The following SNRNP70 variants were observed in gnomAD, a reference collection of about 807,000 sequenced individuals.
SNRNP70 encodes the protein U1 small nuclear ribonucleoprotein 70 kDa.
In SNRNP70, 8 loss-of-function variants were observed where a neutral mutation model predicts 50.5. The observed-to-expected ratio is 0.16, with a 90% CI of 0.09 to 0.29. The LOEUF (loss-of-function observed/expected upper bound fraction) is 0.29, where lower values mean the gene tolerates loss of function less well. SNRNP70 is among the 10% of genes least tolerant of loss of function. The pLI is 1.00. For missense variants in SNRNP70, 529 were observed against 663.5 expected, an observed-to-expected ratio of 0.80 and a Z score of 2.23; for synonymous variants, 320 against 252.9, an observed-to-expected ratio of 1.27 and a Z score of -2.52.
intron 4 of SNRNP70, among the ~76,000 whole-genome samples, chr19:49,098,159 C>T (rs2040536386): frequency 3.9e-5 from 6 of 152,212 alleles, no homozygotes; most frequent in Admixed American, 3.9e-4. Context: ...TGGGCCTGCC[C>T]ACATCCTGTC....
At chr19:49,086,274 C>G in intron 1 of SNRNP70, 131 bp from the exon 2 acceptor site, 1 of 1,044,706 alleles carries the variant, frequency 9.6e-7, no homozygotes, top group Non-Finnish European at 1.4e-6. Flanking sequence ...GGACTGTTCT[C>G]TGCCCTTACA....
chr19:49,090,268 G>A lies in SNRNP70; in HGVS notation c.148-23G>A, dbSNP rs1267032898. 1.9e-6 allele frequency: 3 copies of A among 1,611,172 alleles called. No individual in the cohort carries two copies. In the African/African-American group the frequency reaches 4.0e-5, roughly 22 times the overall value. On this transcript the variant is annotated intron_variant, in intron 2 of 9. Transcript: ENST00000598441. ...CATTTCCCCCAGTCCTTCCCACCCT[G>A]TCACCTCTCTTCTTGTTCCCAGGAC...
chr19:49,092,142 C>G (rs1214817300), intron 4 of SNRNP70, among the ~76,000 whole-genome samples: 3 of 152,112 alleles, frequency 2.0e-5, no homozygotes, highest in Non-Finnish European at 4.4e-5. Flanking sequence ...GGCAGCCTCG[C>G]TCTGTCGCCA....
chr19:49,101,385 C>T lies in SNRNP70; in HGVS notation c.394-5C>T, dbSNP rs2040583831. On this transcript the variant is annotated splice_polypyrimidine_tract_variant and splice_region_variant and intron_variant, in intron 6 of 9. Transcript: ENST00000598441. ...GACTCACCCCTGTCCCCATGTGCCCCACAGATACACATGGTCTACAGTAAG... is the reference window on the plus strand; with the variant it reads ...GACTCACCCCTGTCCCCATGTGCCCTACAGATACACATGGTCTACAGTAAG... 1 of 1,613,150 alleles carries T rather than the reference C, an allele frequency of 6.2e-7. No homozygotes were observed. Among genetic ancestry groups the T allele is most frequent in the Non-Finnish European group, 8.5e-7 (1 of 1,179,172 alleles).
intron 2 of SNRNP70, among the ~76,000 whole-genome samples, chr19:49,089,264 G>A (rs1197586560): frequency 1.3e-5 from 2 of 152,158 alleles, no homozygotes; most frequent in Admixed American, 1.3e-4. Context: ...CCAACATGCT[G>A]TCGTGTGCCT....
Position 49,108,544 on chromosome 19 carries a change from G to T in SNRNP70, c.*101G>T. ...TTGGCCACTTGAGTTTGTCCTCCAA[G>T]GGTAGGTGTCTCATTTGTTCTGGCC... On this transcript the variant is annotated 3_prime_UTR_variant, in exon 10 of 10. Transcript: ENST00000598441. The T allele has an allele frequency of 7.0e-7, 1 of 1,428,824 alleles. No individual in the cohort carries two copies. Among genetic ancestry groups the T allele is most frequent in the Middle Eastern group, 2.3e-4 (1 of 4,264 alleles). 88.5% of individuals were successfully genotyped at this position (1,428,824 alleles called of 1,614,324 possible).
In SNRNP70 at chr19:49,107,493, G is replaced by T; in HGVS notation, c.578-132G>T. ...GGGAGTGCGCGGGATGAACTGCACGGGGGGACCCGGCCCTGTGAACACTAA... is the reference window on the plus strand; with the variant it reads ...GGGAGTGCGCGGGATGAACTGCACGTGGGGACCCGGCCCTGTGAACACTAA... On this transcript the variant is annotated intron_variant, in intron 8 of 9. Transcript: ENST00000598441. The surrounding 1 kb of genome is among the most constrained non-coding windows in gnomAD (Gnocchi z 6.0). 2.6e-6 allele frequency: 2 copies of T among 776,218 alleles called. No individual in the cohort carries two copies. The highest frequency in any genetic ancestry group is 4.3e-6 in the Non-Finnish European group (2 of 460,180). The allele number at this position is 776,218 out of a possible 1,614,324, so 48.1% of individuals were successfully genotyped here.
intron 4 of SNRNP70, among the ~76,000 whole-genome samples, chr19:49,091,274 C>G (rs2040443828): frequency 6.6e-6 from 1 of 151,562 alleles, no homozygotes; most frequent in Admixed American, 6.6e-5. Flanking sequence ...GAGACTGAGG[C>G]AGGAGAATCT....
At chr19:49,086,936 A>G (rs2040388536) in intron 2 of SNRNP70, among the ~76,000 whole-genome samples, 1 of 151,878 alleles carries the variant, frequency 6.6e-6, no homozygotes, top group Non-Finnish European at 1.5e-5. Context: ...CTGTAATCCC[A>G]GTACTTTGGG....
rs1470794238 is a variant in SNRNP70, at chr19:49,107,907, C to T, written c.778C>T (p.Arg260Trp). Residue 260 changes from arginine (R) to tryptophan (W), a missense_variant, in exon 10 of 10, where the codon CGG (arginine) becomes TGG (tryptophan). By Grantham distance (101) the Arg-to-Trp change is moderately radical. Around this residue, in one of 4 missense-constraint regions of SNRNP70, gnomAD observed 327 missense variants for 308.8 expected, o/e 1.06. Transcript: ENST00000598441. The surrounding 1 kb of genome is among the most constrained non-coding windows in gnomAD (Gnocchi z 6.0). ...GCGAGAACGGCGACGCTCCCGCTCC[C>T]GGGACCGGCGGAGGCGCTCACGGAG... is the stretch of plus-strand genomic sequence containing the variant. ...KERERRRSRSRDRRRRSRSRD... is the reference protein window; with the variant it reads ...KERERRRSRSWDRRRRSRSRD... The T allele has an allele frequency of 6.5e-7, 1 of 1,548,030 alleles. No homozygotes were observed. Among genetic ancestry groups the T allele is most frequent in the Non-Finnish European group, 8.7e-7 (1 of 1,146,662 alleles).
At chr19:49,103,710 A>C (rs2040622696) in intron 7 of SNRNP70, 1 of 151,546 alleles carries the variant, frequency 6.6e-6, no homozygotes, top group African/African-American at 2.4e-5. Flanking sequence ...GGGAACGGGG[A>C]CTTTTTGGCC....
Position 49,090,463 on chromosome 19 carries a change from C to A in SNRNP70, c.211-3C>A. 6.2e-7 allele frequency: 1 copy of A among 1,614,098 alleles called. No homozygotes were observed. The highest frequency in any genetic ancestry group is 1.1e-5 in the South Asian group (1 of 91,082). Reference sequence around the variant, plus strand: ...CTTCTCCACCTCCCCTTTCTCCTGACAGAGACGGGAAAAGATTGAGCGGCG... The same window carrying A: ...CTTCTCCACCTCCCCTTTCTCCTGAAAGAGACGGGAAAAGATTGAGCGGCG... On this transcript the variant is annotated splice_polypyrimidine_tract_variant and splice_region_variant and intron_variant, in intron 3 of 9. Coordinates refer to ENST00000598441, the MANE Select transcript of SNRNP70 (RefSeq NM_003089.6).
chr19:49,106,115 G>T (rs1017223114), intron 8 of SNRNP70, among the ~76,000 whole-genome samples: 6 of 152,158 alleles, frequency 3.9e-5, no homozygotes, highest in African/African-American at 1.4e-4. Context: ...ACTCGCCTGT[G>T]CTAGGGAGAC....
rs183919093 is a variant in SNRNP70 at position 49,085,504 on chromosome 19, T to G, written c.-143T>G. Reference sequence around the variant, plus strand: ...TGAGCAGCGGCCTGGTGCGCTCGCTTAGCGGGCGACGGAATCAGACGGACG... The same window carrying G: ...TGAGCAGCGGCCTGGTGCGCTCGCTGAGCGGGCGACGGAATCAGACGGACG... On this transcript the variant is annotated 5_prime_UTR_variant, in exon 1 of 10. Transcript: ENST00000598441. 4 of 454,250 alleles carry G rather than the reference T, an allele frequency of 8.8e-6. No homozygotes were observed. Among genetic ancestry groups the G allele is most frequent in the African/African-American group, 2.0e-5 (1 of 50,002 alleles). The allele number at this position is 454,250 out of a possible 1,614,324, so 28.1% of individuals were successfully genotyped here. A position where few individuals can be genotyped will look rare whatever the true frequency, so the allele number is the denominator to read the frequency against.
At chr19:49,092,428 A>AGACGGAGT (rs2040458440) in intron 4 of SNRNP70, among the ~76,000 whole-genome samples, 1 of 138,320 alleles carries the variant, frequency 7.2e-6, no homozygotes, top group Admixed American at 7.4e-5. Context: ...TTTTTTTTTG[A>AGACGGAGT]GACGGAGTCA....
At chr19:49,087,845 CTT>C (rs1270813662) in intron 2 of SNRNP70, 1 of 152,228 alleles carries the variant, frequency 6.6e-6, no homozygotes, top group Non-Finnish European at 1.5e-5. Context: ...GGCCAATTAA[CTT>C]AATGGGCACA....
rs1485365078 is a variant in SNRNP70, at chr19:49,095,304, C to G, written c.266-3123C>G. ...AGCCCTGCAGCATTCATTGGTCCCA[C>G]TGTCATGCTCCACAGTAACTGTTAG... On this transcript the variant is annotated intron_variant, in intron 4 of 9. Coordinates refer to ENST00000598441, the MANE Select transcript of SNRNP70 (RefSeq NM_003089.6). Among the ~76,000 whole-genome samples the G allele has an allele frequency of 2.0e-5, 3 of 152,254 alleles. No individual in the cohort carries two copies. In the East Asian group the frequency reaches 5.8e-4, roughly 29 times the overall value.
chr19:49,092,475 C>G lies in SNRNP70; in HGVS notation c.265+1955C>G, dbSNP rs754496943. ...TCAGGCTGGAGTGCAGTGGTACTATCTTAGCTCACTGCAACTTCCGCCTCC... is the reference window on the plus strand; with the variant it reads ...TCAGGCTGGAGTGCAGTGGTACTATGTTAGCTCACTGCAACTTCCGCCTCC... On this transcript the variant is annotated intron_variant, in intron 4 of 9. Coordinates refer to ENST00000598441, the MANE Select transcript of SNRNP70 (RefSeq NM_003089.6). Among the ~76,000 whole-genome samples the G allele has an allele frequency of 4.6e-5, 7 of 151,362 alleles. No individual in the cohort carries two copies. In the South Asian group the frequency reaches 6.3e-4, roughly 14 times the overall value.
At chr19:49,103,310 G>A (rs750286479) in intron 7 of SNRNP70, 3 of 152,398 alleles carry the variant, frequency 2.0e-5, no homozygotes, top group Admixed American at 1.3e-4. Flanking sequence ...GATTTCTTTG[G>A]GGTCTACCAC....
Sources: allele counts gnomAD v4.1 joint callset (sites outside exome capture counted in the v4.1 genomes callset), GRCh38; gene constraint gnomAD v4.1.1; regional missense constraint gnomAD v4.1.1; non-coding constraint Gnocchi (gnomAD v3.1); transcripts MANE v1.5; gene names NCBI Gene and HGNC (gene_info 2026-07-23, HGNC 2026-07-21).